Variants in PAM observed in about 807,000 individuals in gnomAD.
PAM encodes peptidylglycine alpha-amidating monooxygenase.
In PAM, 72 loss-of-function variants were observed where a neutral mutation model predicts 122.1. The observed-to-expected ratio is 0.59, with a 90% CI of 0.49 to 0.72. The LOEUF is 0.72. Among genes scored for constraint, PAM ranks in the 30% least tolerant of loss-of-function variants. The pLI, the probability that PAM is intolerant of heterozygous loss-of-function variation, is 0.00. For synonymous variants in PAM, 389 were observed against 404.4 expected (o/e 0.96, Z 0.46); for missense variants, 1,106 against 1,183.7 (o/e 0.93, Z 0.96).
At chr5:103,027,836 A>T (rs1785405095) in intron 24 of PAM, among the ~76,000 whole-genome samples, 1 of 152,166 alleles carries the variant, frequency 6.6e-6, no homozygotes, top group African/African-American at 2.4e-5. Flanking sequence ...TTTACTGTAT[A>T]TCTATAGGTA....
intron 1 of PAM, among the ~76,000 whole-genome samples, chr5:102,799,543 T>G (rs1764167569): frequency 6.6e-6 from 1 of 152,204 alleles, no homozygotes; most frequent in African/African-American, 2.4e-5. Context: ...AGCCACATAT[T>G]TCTTAGCTAT....
At chr5:102,909,325 T>G (rs1031820365) in intron 4 of PAM, among the ~76,000 whole-genome samples, 1 of 151,832 alleles carries the variant, frequency 6.6e-6, no homozygotes, top group Non-Finnish European at 1.5e-5. Flanking sequence ...CTTCCAGTGG[T>G]CTCCTTGAAT....
At chr5:102,923,567 G>A (rs564673056) in intron 5 of PAM, among the ~76,000 whole-genome samples, 3 of 152,146 alleles carry the variant, frequency 2.0e-5, no homozygotes, top group African/African-American at 7.2e-5. Context: ...AACAATGTTT[G>A]GATTAAATCC....
At chr5:102,990,922 A>G (rs1030916504) in intron 16 of PAM, among the ~76,000 whole-genome samples, 1 of 152,214 alleles carries the variant, frequency 6.6e-6, no homozygotes, top group Non-Finnish European at 1.5e-5. Flanking sequence ...AGGTTTTAAT[A>G]TAGACTACTT....
chr5:102,845,374 A>G (rs1311965286), intron 1 of PAM, among the ~76,000 whole-genome samples: 1 of 152,160 alleles, frequency 6.6e-6, no homozygotes, highest in Middle Eastern at 3.2e-3. Context: ...AGGCATTTTG[A>G]GTGTGGAAAG....
In PAM at chr5:102,825,187, T is replaced by C. The variant is rs77841479; in HGVS notation, c.-373-40636T>C. ...TCAAATATACAAATTAAATGGCTAA[T>C]ATTTTTATTTTAAAAATCAAACATT... On this transcript the variant is annotated intron_variant, in intron 1 of 25. Coordinates refer to ENST00000438793, the MANE Select transcript of PAM (RefSeq NM_001177306.2). Among the ~76,000 whole-genome samples the C allele has an allele frequency of 9.3e-3, 1,421 of 152,342 alleles. 24 individuals are homozygous for C. Among genetic ancestry groups the C allele is most frequent in the African/African-American group, 0.031 (1,308 of 41,586 alleles).
intron 22 of PAM, 87 bp from the exon 23 acceptor site, chr5:103,019,703 A>G (rs1582974881): frequency 1.2e-6 from 1 of 847,956 alleles, no homozygotes; most frequent in Non-Finnish European, 2.0e-6. Flanking sequence ...AATATTTTCT[A>G]CTGAGTAAAA....
chr5:103,005,534 G>T (rs1778696519), intron 18 of PAM, among the ~76,000 whole-genome samples: 1 of 152,160 alleles, frequency 6.6e-6, no homozygotes, highest in African/African-American at 2.4e-5. Flanking sequence ...ATTTCTCATA[G>T]TATCCTTGCA....
chr5:103,008,864 T>A (rs1779810624), intron 20 of PAM, among the ~76,000 whole-genome samples: 1 of 152,130 alleles, frequency 6.6e-6, no homozygotes, highest in Admixed American at 6.5e-5. Context: ...AGAAGAAAAT[T>A]ATCAGTTGAG....
chr5:102,924,446 A>AC (rs1471657656), intron 5 of PAM, among the ~76,000 whole-genome samples: 1 of 151,772 alleles, frequency 6.6e-6, no homozygotes, highest in African/African-American at 2.4e-5. Flanking sequence ...AAAAAAAAAA[A>AC]AAAAACAAAA....
At chr5:102,961,581 T>C (rs1289502342) in intron 14 of PAM, among the ~76,000 whole-genome samples, 1 of 151,908 alleles carries the variant, frequency 6.6e-6, no homozygotes, top group Non-Finnish European at 1.5e-5. Flanking sequence ...TTATTGTATA[T>C]TTTGTATGGT....
intron 15 of PAM, among the ~76,000 whole-genome samples, chr5:102,989,193 G>C (rs966953091): frequency 1.3e-5 from 2 of 152,074 alleles, no homozygotes; most frequent in African/African-American, 4.8e-5. Flanking sequence ...ATCCGTGAGC[G>C]TGTTTATAAA....
chr5:102,908,052 C>G (rs1301070267), intron 4 of PAM, among the ~76,000 whole-genome samples: 1 of 152,050 alleles, frequency 6.6e-6, no homozygotes, highest in Non-Finnish European at 1.5e-5. Flanking sequence ...TTGCCCATGC[C>G]TATGTCCTGA....
intron 15 of PAM, among the ~76,000 whole-genome samples, chr5:102,975,380 C>A (rs1455601334): frequency 6.6e-6 from 1 of 152,130 alleles, no homozygotes; most frequent in Non-Finnish European, 1.5e-5. Context: ...GCATGCAGTG[C>A]CTTTTGTTCA....
intron 12 of PAM, among the ~76,000 whole-genome samples, chr5:102,957,354 G>A (rs1052438750): frequency 1.3e-4 from 19 of 151,918 alleles, no homozygotes; most frequent in Admixed American, 9.9e-4. Context: ...AAAGGAGCCC[G>A]GTCAGATTCA....
At chr5:102,845,262 A>G (rs1248169755) in intron 1 of PAM, among the ~76,000 whole-genome samples, 1 of 152,240 alleles carries the variant, frequency 6.6e-6, no homozygotes, top group African/African-American at 2.4e-5. Context: ...ATGAGAGACA[A>G]AGAAAGCGTT....
intron 1 of PAM, among the ~76,000 whole-genome samples, chr5:102,822,414 A>T (rs1772274330): frequency 6.6e-6 from 1 of 152,168 alleles, no homozygotes; most frequent in South Asian, 2.1e-4. Flanking sequence ...ACTCATGCTA[A>T]TTCCAAGCGG....
chr5:103,012,149 T>G (rs1299922274), intron 21 of PAM, among the ~76,000 whole-genome samples: 3 of 152,352 alleles, frequency 2.0e-5, no homozygotes, highest in Non-Finnish European at 2.9e-5. Flanking sequence ...GCTCCTTATA[T>G]ATTGTGGTTG....
At chr5:102,804,015 C>G (rs938242722) in intron 1 of PAM, among the ~76,000 whole-genome samples, 1 of 151,762 alleles carries the variant, frequency 6.6e-6, no homozygotes, top group African/African-American at 2.4e-5. Context: ...GGAGGAGAAA[C>G]AGGAGAAGTG....
Sources: gnomAD v4.1 joint callset for allele counts (sites outside exome capture counted in the v4.1 genomes callset) on GRCh38, gnomAD v4.1.1 for gene constraint, MANE v1.5 for transcripts, NCBI Gene and HGNC (gene_info 2026-07-23, HGNC 2026-07-21) for gene names.